C12orf42: variants seen among roughly 807,000 people sequenced by gnomAD.
The protein encoded by C12orf42 is uncharacterized protein C12orf42.
In C12orf42, 25 loss-of-function variants were observed where a neutral mutation model predicts 21.6. The observed-to-expected ratio is 1.16, with a 90% CI of 0.84 to 1.62. The LOEUF is 1.62. C12orf42 is among the 40% of genes most tolerant of loss of function. C12orf42 has a pLI of 0.00. For missense variants in C12orf42, 483 were observed against 459.3 expected (o/e 1.05, Z -0.47); for synonymous variants, 174 against 175.0 (o/e 0.99, Z 0.05).
rs548949237 is a variant in C12orf42, at chr12:103,381,667, C to T, written c.148-12669G>A. ...GGTTGGTGGCTCACGCCTGTAACCC[C>T]GGAACTTTGGGAGGCCGAGGCAGGC... is the stretch of plus-strand genomic sequence containing the variant. On this transcript the variant is annotated intron_variant, in intron 3 of 5. Transcript: ENST00000548883. Among the ~76,000 whole-genome samples the T allele has an allele frequency of 3.9e-5, 6 of 152,310 alleles. No homozygotes were observed. The East Asian group carries it at 5.8e-4, about 15-fold the overall frequency.
the C12orf42 span, among the ~76,000 whole-genome samples, chr12:103,090,139 T>A: frequency 6.6e-6 from 1 of 152,228 alleles, no homozygotes; most frequent in South Asian, 2.1e-4. Flanking sequence ...TCTCCATGAC[T>A]TGTTTAGCGT....
At chr12:103,295,511 T>C (rs1361323675) in intron 4 of C12orf42, among the ~76,000 whole-genome samples, 4 of 152,130 alleles carry the variant, frequency 2.6e-5, no homozygotes, top group African/African-American at 9.7e-5. Flanking sequence ...AAATTGTATG[T>C]CTCCCTGTGT....
At chr12:103,480,846 A>C (rs935780728) in intron 1 of C12orf42, among the ~76,000 whole-genome samples, 15 of 151,662 alleles carry the variant, frequency 9.9e-5, no homozygotes, top group African/African-American at 3.4e-4. Context: ...ATATGTGCTT[A>C]GATTCAATAT....
rs780556569 is a variant in C12orf42, at chr12:103,302,794, CA to C, written c.632-236del. ...CTTTGAAACCACCTACCCAACACCT[CA>C]AAAAAAAAAATAGCTTTTGCATAAT... On this transcript the variant is annotated intron_variant, in intron 5 of 5. Coordinates refer to ENST00000548883, the MANE Select transcript of C12orf42 (RefSeq NM_198521.5). 2.1e-3 allele frequency among the ~76,000 whole-genome samples: 299 copies of C among 145,220 alleles called. 2 individuals carry two copies. The highest frequency in any genetic ancestry group is 0.017 in the South Asian group (77 of 4,564).
chr12:103,146,494 A>G, the C12orf42 span, among the ~76,000 whole-genome samples: 2 of 150,122 alleles, frequency 1.3e-5, no homozygotes, highest in African/African-American at 2.4e-5. Context: ...AAAAAAAAAA[A>G]GAAAGAAAGA....
At chr12:103,157,236 C>CT in the C12orf42 span, among the ~76,000 whole-genome samples, 4 of 152,090 alleles carry the variant, frequency 2.6e-5, no homozygotes, top group Admixed American at 6.6e-5. Flanking sequence ...TAATGTTGAG[C>CT]TTTTTTTCAT....
the C12orf42 span, among the ~76,000 whole-genome samples, chr12:103,156,949 C>T: frequency 7.9e-5 from 12 of 152,084 alleles, no homozygotes; most frequent in African/African-American, 2.9e-4. Flanking sequence ...GTGCATGTGC[C>T]TTTATAGTAG....
At chr12:103,289,422 T>C (rs1332492532) in intron 4 of C12orf42, among the ~76,000 whole-genome samples, 2 of 152,132 alleles carry the variant, frequency 1.3e-5, no homozygotes, top group African/African-American at 4.8e-5. Flanking sequence ...AAGTTAAATC[T>C]TGCATGCATT....
chr12:103,114,868 G>A, the C12orf42 span, among the ~76,000 whole-genome samples: 2 of 152,270 alleles, frequency 1.3e-5, no homozygotes, highest in East Asian at 3.9e-4. Context: ...TCAGATAGAG[G>A]ATTCATGGAA....
At chr12:103,382,631 A>G (rs996536559) in intron 3 of C12orf42, among the ~76,000 whole-genome samples, 1 of 152,232 alleles carries the variant, frequency 6.6e-6, no homozygotes, top group Non-Finnish European at 1.5e-5. Flanking sequence ...CTACAATACC[A>G]TGAAATAAAG....
chr12:103,400,958 T>C (rs1349745822), intron 3 of C12orf42, among the ~76,000 whole-genome samples: 2 of 152,198 alleles, frequency 1.3e-5, no homozygotes, highest in Non-Finnish European at 2.9e-5. Context: ...CAGTGTTGGC[T>C]GAAAGGTTCT....
At chr12:103,076,783 T>G in the C12orf42 span, among the ~76,000 whole-genome samples, 1 of 152,234 alleles carries the variant, frequency 6.6e-6, no homozygotes, top group African/African-American at 2.4e-5. Flanking sequence ...TATAAATACC[T>G]ACTCACTTAA....
the C12orf42 span, among the ~76,000 whole-genome samples, chr12:103,196,714 G>GT: frequency 6.9e-3 from 1,027 of 149,634 alleles, 10 homozygotes; most frequent in African/African-American, 0.02. Context: ...TTTAAAGTCT[G>GT]TTTTTTTTTC....
At chr12:103,426,457 T>C (rs1949817630) in intron 2 of C12orf42, among the ~76,000 whole-genome samples, 1 of 152,132 alleles carries the variant, frequency 6.6e-6, no homozygotes, top group East Asian at 1.9e-4. Flanking sequence ...AATATTGGAC[T>C]ATGTGAAAAG....
chr12:103,191,462 C>T, the C12orf42 span, among the ~76,000 whole-genome samples: 3 of 135,658 alleles, frequency 2.2e-5, no homozygotes, highest in African/African-American at 8.5e-5. Context: ...AATCCCAATA[C>T]TTTGGGATGC....
At chr12:103,282,230 AAAT>A (rs1405695097) in intron 4 of C12orf42, among the ~76,000 whole-genome samples, 1 of 152,242 alleles carries the variant, frequency 6.6e-6, no homozygotes, top group African/African-American at 2.4e-5. Flanking sequence ...GAATAAATCT[AAAT>A]AATAGAACAA....
the C12orf42 span, among the ~76,000 whole-genome samples, chr12:103,060,521 A>T: frequency 3.3e-5 from 5 of 152,320 alleles, no homozygotes; most frequent in East Asian, 7.7e-4. Flanking sequence ...CAGCCAAGAG[A>T]ATCCTAAGCA....
the C12orf42 span, among the ~76,000 whole-genome samples, chr12:103,155,876 CAT>C: frequency 0.017 from 2,507 of 150,352 alleles, 29 homozygotes; most frequent in South Asian, 0.034. Context: ...TACATATATA[CAT>C]ATATGTGTGT....
the C12orf42 span, among the ~76,000 whole-genome samples, chr12:103,124,707 C>A: frequency 3.9e-5 from 6 of 152,230 alleles, no homozygotes; most frequent in East Asian, 1.2e-3. Flanking sequence ...ACATTGGCAG[C>A]TCCCAGTGCC....
Sources: allele counts gnomAD v4.1 joint callset (sites outside exome capture counted in the v4.1 genomes callset), GRCh38; gene constraint gnomAD v4.1.1; transcripts MANE v1.5; gene names NCBI Gene and HGNC (gene_info 2026-07-23, HGNC 2026-07-21).